Variants in PCLO observed in about 807,000 individuals in gnomAD.
The protein encoded by PCLO is protein piccolo.
A neutral mutation model predicts 427.5 loss-of-function variants in PCLO; 82 were observed. That is an observed-to-expected ratio of 0.19 (90% CI 0.16 to 0.23). The LOEUF (loss-of-function observed/expected upper bound fraction) is 0.23. Among genes scored for constraint, PCLO ranks in the 10% least tolerant of loss-of-function variants. The probability of loss-of-function intolerance (pLI) is 1.00; values close to 1 mark genes in which losing one functional copy is unlikely to be tolerated. For missense variants in PCLO, 6,239 were observed against 6,115.9 expected (o/e 1.02, Z -0.67); for synonymous variants, 2,357 against 2,155.4 (o/e 1.09, Z -2.59).
At chr7:82,981,067 T>C (rs1796136784) in intron 3 of PCLO, among the ~76,000 whole-genome samples, 1 of 152,180 alleles carries the variant, frequency 6.6e-6, no homozygotes, top group Admixed American at 6.6e-5. Flanking sequence ...TCTGCACATG[T>C]ACCCAAGAAC....
rs916312469 is a variant in PCLO at position 82,954,714 on chromosome 7, G to C, written c.6239C>G (p.Ser2080Cys). 6 of 1,613,792 alleles carry C rather than the reference G, an allele frequency of 3.7e-6. No individual in the cohort carries two copies. The South Asian group carries it at 5.5e-5, about 15-fold the overall frequency. ...ACCAATGGGGGCCTGGGTTGGGCTA[G>C]ATCCAGGTGTTAATTGCATCTGTTG... ...KRQQMQLTPG[S>C]SPTQAPIGED... is the part of the protein sequence containing the mutation. The change falls in exon 5 of 25, where the codon TCT becomes TGT. Residue 2080 changes from serine (S) to cysteine (C), a missense_variant. Around this residue, in one of 5 missense-constraint regions of PCLO, gnomAD observed 4,677 missense variants for 4,468.4 expected, o/e 1.05. Transcript: ENST00000333891.
At chr7:82,824,768 C>T (rs1268426003) in intron 18 of PCLO, among the ~76,000 whole-genome samples, 1 of 151,392 alleles carries the variant, frequency 6.6e-6, no homozygotes, top group East Asian at 1.9e-4. Flanking sequence ...ACGGTGAAAT[C>T]CCGTCTCTGC....
At chr7:83,082,510 G>A (rs962037581) in intron 3 of PCLO, among the ~76,000 whole-genome samples, 3 of 151,684 alleles carry the variant, frequency 2.0e-5, no homozygotes, top group Non-Finnish European at 4.4e-5. Flanking sequence ...ACAGTGAGGA[G>A]GTGGATATGA....
At chr7:82,929,800 AT>A (rs1234839646) in intron 6 of PCLO, among the ~76,000 whole-genome samples, 1 of 152,144 alleles carries the variant, frequency 6.6e-6, no homozygotes, top group African/African-American at 2.4e-5. Flanking sequence ...ATATTAAACT[AT>A]TTAGGATTAG....
intron 10 of PCLO, among the ~76,000 whole-genome samples, chr7:82,865,032 A>G (rs1421846924): frequency 6.6e-6 from 1 of 152,218 alleles, no homozygotes; most frequent in Non-Finnish European, 1.5e-5. Context: ...TCTCATAAAT[A>G]AAGTGATATT....
At chr7:82,891,331 A>G (rs1344408630) in intron 9 of PCLO, among the ~76,000 whole-genome samples, 1 of 151,992 alleles carries the variant, frequency 6.6e-6, no homozygotes, top group Non-Finnish European at 1.5e-5. Context: ...AGGCAAGGAG[A>G]GGTAAGAATT....
rs868336107 is a variant in PCLO at position 82,955,763 on chromosome 7, G to A, written c.5190C>T (p.Ser1730=). The change falls in exon 5 of 25, where the codon TCC becomes TCT. Residue 1730 remains serine, a synonymous_variant. Transcript: ENST00000333891. ...CATCAAGTGATGATACTGATGTAGG[G>A]GATGTACCAGGAGTGAAGCTGGAAG... ...LHASSFTPGT[S]PTSVSSLDED... is the part of the protein sequence containing the mutation. 6.2e-7 allele frequency: 1 copy of A among 1,613,920 alleles called. No homozygotes were observed. Among genetic ancestry groups the A allele is most frequent in the Non-Finnish European group, 8.5e-7 (1 of 1,179,852 alleles).
At position 82,928,994 on chromosome 7, in the gene PCLO, GCTAA is replaced by G. The variant is rs528524673; in HGVS notation, c.11113-12125_11113-12122del. On this transcript the variant is annotated intron_variant, in intron 6 of 24. Transcript: ENST00000333891. ...AGAGAGGATGAACTCTTTACGGCTT[GCTAA>G]CTGAGATACAAGGTAGTTGTCTGAA... is the stretch of plus-strand genomic sequence containing the variant. 6.2e-4 allele frequency among the ~76,000 whole-genome samples: 94 copies of G among 152,108 alleles called. 1 individual carries two copies. In the East Asian group the frequency reaches 0.018, roughly 29 times the overall value.
intron 22 of PCLO, among the ~76,000 whole-genome samples, chr7:82,778,693 A>AT (rs1195517682): frequency 2.0e-5 from 3 of 151,804 alleles, no homozygotes; most frequent in Admixed American, 6.6e-5. Flanking sequence ...AAGTACTAGT[A>AT]TTTTTTTTCC....
chr7:82,971,391 C>T (rs572954509), intron 3 of PCLO, among the ~76,000 whole-genome samples: 37 of 151,024 alleles, frequency 2.4e-4, no homozygotes, highest in African/African-American at 5.6e-4. Flanking sequence ...AGTAAGACAA[C>T]CAGCAGTTTT....
intron 10 of PCLO, among the ~76,000 whole-genome samples, chr7:82,854,357 C>T (rs1346208634): frequency 6.6e-6 from 1 of 152,056 alleles, no homozygotes; most frequent in Non-Finnish European, 1.5e-5. Context: ...ATGCCACTAA[C>T]CCAAAGTTGA....
intron 22 of PCLO, among the ~76,000 whole-genome samples, chr7:82,800,072 G>A (rs1791311183): frequency 6.6e-6 from 1 of 152,060 alleles, no homozygotes; most frequent in Non-Finnish European, 1.5e-5. Flanking sequence ...ACAGAGATAC[G>A]GTAGGTAAAA....
intron 6 of PCLO, among the ~76,000 whole-genome samples, chr7:82,935,647 A>G (rs1355610787): frequency 6.6e-6 from 1 of 151,688 alleles, no homozygotes; most frequent in Non-Finnish European, 1.5e-5. Flanking sequence ...TAAGCTATCA[A>G]TTATTACATT....
chr7:82,963,069 C>T (rs1303383380), intron 4 of PCLO, among the ~76,000 whole-genome samples: 1 of 151,888 alleles, frequency 6.6e-6, no homozygotes. Context: ...AAAATAAACA[C>T]TAGTTGTCAG....
Position 82,822,658 on chromosome 7 carries a change from AT to A in PCLO, c.14627del (p.His4876LeufsTer41). On this transcript the variant is annotated frameshift_variant, in exon 20 of 25. Transcript: ENST00000333891. LOFTEE classifies it high-confidence loss of function. ...ATGATTTTGAGCTACCAGGACTACT[AT>A]GGGATTTCTCAATGGTGGGAACCTG... ...DMQVPTIEKS[H>X]SSPGSSKSSS... The A allele has an allele frequency of 6.2e-7, 1 of 1,613,702 alleles. No homozygotes were observed.
At chr7:82,939,433 G>A (rs1795027646) in intron 6 of PCLO, among the ~76,000 whole-genome samples, 1 of 151,694 alleles carries the variant, frequency 6.6e-6, no homozygotes, top group African/African-American at 2.4e-5. Flanking sequence ...CAAAATTACA[G>A]TAATCTCTAT....
chr7:82,987,432 TAAAC>T (rs1796281638), intron 3 of PCLO, among the ~76,000 whole-genome samples: 1 of 151,914 alleles, frequency 6.6e-6, no homozygotes, highest in South Asian at 2.1e-4. Flanking sequence ...CAGAAAAAAA[TAAAC>T]AAATAATTTA....
chr7:83,098,126 A>G (rs7783977), intron 3 of PCLO, among the ~76,000 whole-genome samples: 3,730 of 152,190 alleles, frequency 0.025, 154 homozygotes, highest in African/African-American at 0.084. Flanking sequence ...CTTTATATGG[A>G]TGTCAAACTC....
At chr7:82,848,705 G>A (rs1792571767) in intron 10 of PCLO, among the ~76,000 whole-genome samples, 1 of 152,056 alleles carries the variant, frequency 6.6e-6, no homozygotes, top group Non-Finnish European at 1.5e-5. Flanking sequence ...AACATGGCAT[G>A]ATTGTATATT....
Sources: gnomAD v4.1 joint callset for allele counts (sites outside exome capture counted in the v4.1 genomes callset) on GRCh38, gnomAD v4.1.1 for gene constraint, gnomAD v4.1.1 regional missense constraint, MANE v1.5 for transcripts, NCBI Gene and HGNC (gene_info 2026-07-23, HGNC 2026-07-21) for gene names.